Variants in APP observed in about 807,000 individuals in gnomAD.
The protein encoded by APP is amyloid beta precursor protein.
Under a neutral mutation model 101.4 loss-of-function variants are expected in APP, and 31 were observed. That is an observed-to-expected ratio of 0.31 (90% CI 0.23 to 0.41). The LOEUF is 0.41. Ranked by LOEUF, APP falls within the 10% of genes least tolerant of loss-of-function variation. The pLI is 1.00. For synonymous variants in APP, 366 were observed against 364.4 expected, an observed-to-expected ratio of 1.00 and a Z score of -0.05; for missense variants, 839 against 1,003.7, an observed-to-expected ratio of 0.84 and a Z score of 2.22.
At chr21:26,070,349 C>A (rs777693219) in intron 3 of APP, among the ~76,000 whole-genome samples, 28 of 152,158 alleles carry the variant, frequency 1.8e-4, no homozygotes, top group Admixed American at 3.9e-4. Flanking sequence ...TATCACTCCA[C>A]AGAGAGCTGA....
intron 11 of APP, among the ~76,000 whole-genome samples, chr21:25,956,989 A>C (rs1432565072): frequency 1.3e-5 from 2 of 152,148 alleles, no homozygotes; most frequent in African/African-American, 4.8e-5. Flanking sequence ...TTTATTTGGA[A>C]CCCCAATAAC....
intron 5 of APP, among the ~76,000 whole-genome samples, chr21:26,036,970 AT>A (rs1388576686): frequency 1.3e-5 from 2 of 148,152 alleles, no homozygotes; most frequent in Non-Finnish European, 3.0e-5. Flanking sequence ...AGAAAATGTG[AT>A]GTGTGTGTGT....
intron 1 of APP, among the ~76,000 whole-genome samples, chr21:26,113,573 A>T (rs2062374312): frequency 6.6e-6 from 1 of 152,210 alleles, no homozygotes; most frequent in Admixed American, 6.5e-5. Context: ...TATTTAACGA[A>T]ATTCTGCCTT....
intron 13 of APP, among the ~76,000 whole-genome samples, chr21:25,924,447 G>C (rs1370173414): frequency 1.1e-5 from 1 of 91,444 alleles, no homozygotes; most frequent in African/African-American, 3.8e-5. Context: ...AAAAGGTTGA[G>C]TTCATGTCCT....
chr21:26,089,658 G>A (rs992909469), intron 3 of APP: 2 of 281,618 alleles, frequency 7.1e-6, no homozygotes, highest in South Asian at 5.9e-5. Flanking sequence ...TCCCGGATCC[G>A]CTACTATAGG....
At chr21:25,884,966 A>G (rs2146206850) in intron 17 of APP, among the ~76,000 whole-genome samples, 1 of 152,346 alleles carries the variant, frequency 6.6e-6, no homozygotes, top group South Asian at 2.1e-4. Flanking sequence ...AGGCTGGTGC[A>G]CAATCCAGAC....
intron 2 of APP, among the ~76,000 whole-genome samples, chr21:26,101,232 G>A (rs1204921898): frequency 6.6e-6 from 1 of 151,402 alleles, no homozygotes; most frequent in African/African-American, 2.4e-5. Context: ...CCGAGTAGCT[G>A]GGACTACAGG....
intron 5 of APP, among the ~76,000 whole-genome samples, chr21:26,046,867 T>G (rs919718410): frequency 6.6e-6 from 1 of 152,196 alleles, no homozygotes; most frequent in Non-Finnish European, 1.5e-5. Context: ...ACAAGTTAGC[T>G]TTCCAAATGA....
intron 13 of APP, among the ~76,000 whole-genome samples, chr21:25,940,008 ATGTC>A (rs1303192987): frequency 2.0e-5 from 3 of 152,140 alleles, no homozygotes; most frequent in Non-Finnish European, 4.4e-5. Flanking sequence ...AAAGCGGAGA[ATGTC>A]TGACATTTTC....
chr21:25,891,143 A>T (rs1435425364), intron 17 of APP, among the ~76,000 whole-genome samples: 2 of 152,124 alleles, frequency 1.3e-5, no homozygotes. Flanking sequence ...GTGGAAGTGC[A>T]GGGTAATAGG....
chr21:25,928,984 T>C (rs2040023044), intron 13 of APP: 1 of 152,268 alleles, frequency 6.6e-6, no homozygotes, highest in Non-Finnish European at 1.5e-5. Flanking sequence ...CCTCCCAAAG[T>C]GCTGGGATTA....
In APP at chr21:25,979,366, A is replaced by G. The variant is rs181543807; in HGVS notation, c.1224+2978T>C. Among the ~76,000 whole-genome samples, 34 of 152,340 alleles carry G rather than the reference A, an allele frequency of 2.2e-4. 1 individual carries two copies. The East Asian group carries it at 5.6e-3, about 25-fold the overall frequency. On this transcript the variant is annotated intron_variant, in intron 9 of 17. Transcript: ENST00000346798. ...AATTTTCCACTGCAGGCACAAAGGT[A>G]TCAATTTCATTTGGATTTATCAATC...
At chr21:26,044,530 A>ATTTCTTTC (rs549583619) in intron 5 of APP, among the ~76,000 whole-genome samples, 2 of 151,946 alleles carry the variant, frequency 1.3e-5, no homozygotes, top group African/African-American at 2.4e-5. Flanking sequence ...TGAGCAATGT[A>ATTTCTTTC]TTTCTTTCTT....
At chr21:25,896,531 T>C (rs1569021579) in intron 16 of APP, among the ~76,000 whole-genome samples, 1 of 152,176 alleles carries the variant, frequency 6.6e-6, no homozygotes, top group Non-Finnish European at 1.5e-5. Flanking sequence ...TGTGATAAAA[T>C]TGTCGTCTTC....
chr21:25,989,752 C>T (rs977161609), intron 8 of APP, among the ~76,000 whole-genome samples: 1 of 151,910 alleles, frequency 6.6e-6, no homozygotes, highest in African/African-American at 2.4e-5. Flanking sequence ...TGATACCGAC[C>T]CAGCAATGTT....
intron 11 of APP, among the ~76,000 whole-genome samples, chr21:25,967,348 G>A (rs1481989222): frequency 6.6e-6 from 1 of 152,194 alleles, no homozygotes; most frequent in Non-Finnish European, 1.5e-5. Context: ...ATAAACAGAT[G>A]TACAGGAAAA....
intron 1 of APP, among the ~76,000 whole-genome samples, chr21:26,127,618 G>A (rs1036006783): frequency 6.6e-6 from 1 of 152,118 alleles, no homozygotes; most frequent in Non-Finnish European, 1.5e-5. Flanking sequence ...CTGGCTGAAG[G>A]GACCCACACA....
intron 1 of APP, among the ~76,000 whole-genome samples, chr21:26,141,382 A>T (rs566570258): frequency 1.2e-3 from 182 of 152,356 alleles, no homozygotes; most frequent in Admixed American, 2.6e-3. Flanking sequence ...CAGAAAAGAA[A>T]GCAACAAACC....
intron 5 of APP, among the ~76,000 whole-genome samples, chr21:26,038,742 C>T (rs974636638): frequency 7.2e-5 from 11 of 152,018 alleles, no homozygotes; most frequent in African/African-American, 2.2e-4. Context: ...CCAGTCTGGG[C>T]GACAGAGTCT....
Sources: gnomAD v4.1 joint callset for allele counts (sites outside exome capture counted in the v4.1 genomes callset) on GRCh38, gnomAD v4.1.1 for gene constraint, MANE v1.5 for transcripts, NCBI Gene and HGNC (gene_info 2026-07-23, HGNC 2026-07-21) for gene names.